Variants in TCOF1 observed in about 807,000 individuals in gnomAD.
TCOF1 encodes treacle protein.
TCOF1 carries 33 observed loss-of-function variants against 149.0 expected under a neutral mutation model. The ratio of observed to expected loss-of-function variants is 0.22; its 90% CI spans 0.17 to 0.30. The LOEUF (loss-of-function observed/expected upper bound fraction) is 0.30, where lower values mean the gene tolerates loss of function less well. TCOF1 is among the 10% of genes least tolerant of loss of function. The pLI, the probability that TCOF1 is intolerant of heterozygous loss-of-function variation, is 1.00. For synonymous variants in TCOF1, 789 were observed against 738.8 expected (o/e 1.07, Z -1.10); for missense variants, 1,728 against 1,840.7 (o/e 0.94, Z 1.12).
chr5:150,393,355 A>T lies in TCOF1; in HGVS notation c.3604-17A>T, dbSNP rs1346285483. ...GGGTGGGGTGGTGGCAGCCTCTTTC[A>T]CAATGGGCTTCTTCAGTCTCTCCTC... On this transcript the variant is annotated splice_polypyrimidine_tract_variant and intron_variant, in intron 22 of 26. Transcript: ENST00000643257. 3.1e-6 allele frequency: 5 copies of T among 1,613,630 alleles called. No individual in the cohort carries two copies. Among genetic ancestry groups the T allele is most frequent in the Non-Finnish European group, 4.2e-6 (5 of 1,179,898 alleles).
At chr5:150,395,565 C>T (rs978227572) in intron 23 of TCOF1, among the ~76,000 whole-genome samples, 8 of 151,186 alleles carry the variant, frequency 5.3e-5, no homozygotes, top group Non-Finnish European at 1.2e-4. Context: ...GTGTAGTCAG[C>T]ACACAATTAT....
At chr5:150,367,406 G>A (rs1340546003) in intron 3 of TCOF1, among the ~76,000 whole-genome samples, 1 of 152,208 alleles carries the variant, frequency 6.6e-6, no homozygotes, top group Non-Finnish European at 1.5e-5. Flanking sequence ...TTGAATTCCA[G>A]GCAACTTTCT....
intron 14 of TCOF1, 110 bp from the exon 15 acceptor site, chr5:150,378,795 T>G: frequency 1.3e-6 from 2 of 1,514,142 alleles, no homozygotes; most frequent in Non-Finnish European, 1.8e-6. Context: ...GCCTATTGCA[T>G]GGAGGAGCCA....
chr5:150,378,923 A>G lies in TCOF1; in HGVS notation c.2359A>G (p.Lys787Glu). The G allele has an allele frequency of 6.2e-7, 1 of 1,614,126 alleles. No homozygotes were observed. The highest frequency in any genetic ancestry group is 2.2e-5 in the East Asian group (1 of 44,880). Reference sequence around the variant, plus strand: ...CACTCAGGTGAAAACCTCAGTAAAGAAAACCCAGGCCAAAGCCAACCCAGC... The same window carrying G: ...CACTCAGGTGAAAACCTCAGTAAAGGAAACCCAGGCCAAAGCCAACCCAGC... ...SPAQVKTSVK[K>E]TQAKANPAAA... The change falls in exon 15 of 27, where the codon AAA (lysine) becomes GAA (glutamate). Residue 787 changes from lysine to glutamate, a missense_variant. Lys to Glu is a moderately conservative substitution (Grantham distance 56). This residue lies in a region of TCOF1 where 1,696 missense variants were observed against 1,765.4 expected (regional missense o/e 0.96). Transcript: ENST00000643257.
chr5:150,392,091 T>C lies in TCOF1; in HGVS notation c.3432T>C (p.Asp1144=), dbSNP rs375082101. ...QQATKAPESS[D]DSEDSSDSSS... ...CCACCAAAGCCCCTGAGAGCTCAGA[T>C]GACAGTGAGGACAGCAGCGACAGTT... The change falls in exon 21 of 27, where the codon GAT becomes GAC. Residue 1144 remains aspartate (D), a synonymous_variant. Coordinates refer to ENST00000643257, the MANE Select transcript of TCOF1 (RefSeq NM_001371623.1). The C allele has an allele frequency of 5.0e-6, 8 of 1,614,192 alleles. No homozygotes were observed. The highest frequency in any genetic ancestry group is 6.8e-6 in the Non-Finnish European group (8 of 1,180,036).
In TCOF1 at chr5:150,375,814, A is replaced by G. The variant is rs967860248; in HGVS notation, c.1798A>G (p.Lys600Glu). The G allele has an allele frequency of 6.2e-7, 1 of 1,614,042 alleles. No individual in the cohort carries two copies. Among genetic ancestry groups the G allele is most frequent in the African/African-American group, 1.3e-5 (1 of 74,934 alleles). Residue 600 changes from lysine (K) to glutamate (E), a missense_variant, in exon 12 of 27, where the codon AAG (lysine) becomes GAG (glutamate). This residue lies in a region of TCOF1 where 1,696 missense variants were observed against 1,765.4 expected (regional missense o/e 0.96). Coordinates refer to ENST00000643257, the MANE Select transcript of TCOF1 (RefSeq NM_001371623.1). ...QKAGPVAVQV[K>E]AEKPMDNSES... ...GGCAGGGCCTGTAGCCGTCCAGGTCAAGGCTGAAAAGCCCATGGACAACTC... is the reference window on the plus strand; with the variant it reads ...GGCAGGGCCTGTAGCCGTCCAGGTCGAGGCTGAAAAGCCCATGGACAACTC...
chr5:150,373,983 AGT>A lies in TCOF1; in HGVS notation c.871-185_871-184del, dbSNP rs1763122963. Among the ~76,000 whole-genome samples, 4 of 152,078 alleles carry A rather than the reference AGT, an allele frequency of 2.6e-5. No individual in the cohort carries two copies. In the South Asian group the frequency reaches 8.3e-4, roughly 31 times the overall value. On this transcript the variant is annotated intron_variant, in intron 7 of 26. Transcript: ENST00000643257. ...GGGGCATGGAGGCTCCAGGAGTGAG[AGT>A]GTGTGAAGCTGATCGATTTTTGAGA...
rs753485028 is a variant in TCOF1 at position 150,375,326 on chromosome 5, T to A, written c.1489-13T>A. The A allele has an allele frequency of 1.9e-6, 3 of 1,610,362 alleles. No individual in the cohort carries two copies. The highest frequency in any genetic ancestry group is 2.2e-5 in the South Asian group (2 of 90,934). On this transcript the variant is annotated splice_polypyrimidine_tract_variant and intron_variant, in intron 10 of 26. Coordinates refer to ENST00000643257, the MANE Select transcript of TCOF1 (RefSeq NM_001371623.1). ...TGGACTCCCTCCCTAATCTTGTCCT[T>A]TGTGTCTCCCAGGTGAAGCCCTTGG...
In TCOF1 at chr5:150,375,861, G is replaced by A. The variant is rs200075508; in HGVS notation, c.1845G>A (p.Ser615=). 1.3e-4 allele frequency: 210 copies of A among 1,613,708 alleles called. No homozygotes were observed. The highest frequency in any genetic ancestry group is 1.6e-4 in the Middle Eastern group (1 of 6,062). ...MDNSESSEES[S]DSADSEEAPA... is the part of the protein sequence containing the mutation. ...ACTCGGAGAGCAGCGAGGAGTCATC[G>A]GACAGTGCGGACAGTGAGGAGGCAC... Residue 615 remains serine, a synonymous_variant, in exon 12 of 27, where the codon TCG becomes TCA. Transcript: ENST00000643257.
intron 17 of TCOF1, among the ~76,000 whole-genome samples, chr5:150,385,718 C>T (rs954080977): frequency 6.6e-6 from 1 of 152,110 alleles, no homozygotes; most frequent in East Asian, 1.9e-4. Context: ...GAGCACTGTC[C>T]AGAAAGCCCC....
chr5:150,367,581 G>A (rs966012715), intron 3 of TCOF1: 18 of 480,024 alleles, frequency 3.7e-5, no homozygotes, highest in Non-Finnish European at 6.2e-5. Context: ...GGGCCTCCAC[G>A]TCTCATGCTG....
rs1455417030 is a variant in TCOF1 at position 150,398,291 on chromosome 5, A to G, written c.4346-63A>G. 9.3e-6 allele frequency: 15 copies of G among 1,608,876 alleles called. No individual in the cohort carries two copies. In the East Asian group the frequency reaches 2.9e-4, roughly 31 times the overall value. Reference sequence around the variant, plus strand: ...GGAGCCCTGCCCTGTGCACCTCCCAACATTGACCCCAGCACTTAGGATTAC... The same window carrying G: ...GGAGCCCTGCCCTGTGCACCTCCCAGCATTGACCCCAGCACTTAGGATTAC... On this transcript the variant is annotated intron_variant, in intron 24 of 26. Transcript: ENST00000643257.
At chr5:150,376,701 G>C in intron 14 of TCOF1, 81 bp downstream of exon 14, 1 of 1,444,492 alleles carries the variant, frequency 6.9e-7, no homozygotes, top group Non-Finnish European at 9.5e-7. Flanking sequence ...CTGGGGGCTA[G>C]TGTTGCCTGC....
At position 150,396,751 on chromosome 5, in the gene TCOF1, A is replaced by G. The variant is rs1768612509; in HGVS notation, c.4254A>G (p.Pro1418=). The G allele has an allele frequency of 4.3e-6, 7 of 1,612,530 alleles. No individual in the cohort carries two copies. In the Middle Eastern group the frequency reaches 6.6e-4, roughly 152 times the overall value. Residue 1418 remains proline (P), a synonymous_variant, in exon 24 of 27, where the codon CCA becomes CCG. Coordinates refer to ENST00000643257, the MANE Select transcript of TCOF1 (RefSeq NM_001371623.1). The part of the protein sequence containing the change: ...SLGSQGAKDE[P]EEELQKGMGT... Reference sequence around the variant, plus strand: ...GCTCCCAAGGGGCCAAGGACGAGCCAGAAGAGGAGCTTCAGAAGGGGATGG... The same window carrying G: ...GCTCCCAAGGGGCCAAGGACGAGCCGGAAGAGGAGCTTCAGAAGGGGATGG...
At chr5:150,384,736 A>G (rs1765934538) in intron 17 of TCOF1, 1 of 985,388 alleles carries the variant, frequency 1.0e-6, no homozygotes, top group Non-Finnish European at 1.2e-6. Context: ...GGATTCGGGG[A>G]AGACGGGCAT....
At position 150,375,921 on chromosome 5, in the gene TCOF1, G is replaced by A. The variant is rs746650110; in HGVS notation, c.1893+12G>A. 4.3e-6 allele frequency: 7 copies of A among 1,614,052 alleles called. No individual in the cohort carries two copies. The highest frequency in any genetic ancestry group is 2.7e-5 in the African/African-American group (2 of 74,960). On this transcript the variant is annotated intron_variant, in intron 12 of 26. Coordinates refer to ENST00000643257, the MANE Select transcript of TCOF1 (RefSeq NM_001371623.1). The stretch of plus-strand genomic sequence containing the variant: ...TGACTGCAGCTCAGGTGAGGCCTGG[G>A]GAAGGAGGCTGCTACATGGCCTGAT...
Position 150,384,384 on chromosome 5 carries a change from G to C in TCOF1, c.2860-3518G>C, listed in dbSNP as rs1250860314. ...CAGAGAAGTTGAGGGACCTGTCCCA[G>C]CATCACATGGCTGATGACAAGTGGA... On this transcript the variant is annotated intron_variant, in intron 17 of 26. Transcript: ENST00000643257. 6 of 985,172 alleles carry C rather than the reference G, an allele frequency of 6.1e-6. No homozygotes were observed. The South Asian group carries it at 1.9e-4, about 31-fold the overall frequency. The allele number at this position is 985,172 out of a possible 1,614,324, so 61.0% of individuals were successfully genotyped here.
chr5:150,384,292 C>A (rs1330977893), intron 17 of TCOF1: 1 of 989,320 alleles, frequency 1.0e-6, no homozygotes, highest in African/African-American at 1.7e-5. Flanking sequence ...TCTGTTTAAT[C>A]TCCACAACAG....
chr5:150,380,286 C>G, intron 17 of TCOF1: 1 of 170,652 alleles, frequency 5.9e-6, no homozygotes, highest in Non-Finnish European at 1.3e-5. Context: ...ATATCTAGGT[C>G]GAGGTCTCCA....
Sources: gnomAD v4.1 joint callset for allele counts (sites outside exome capture counted in the v4.1 genomes callset) on GRCh38, gnomAD v4.1.1 for gene constraint, gnomAD v4.1.1 regional missense constraint, MANE v1.5 for transcripts, NCBI Gene and HGNC (gene_info 2026-07-23, HGNC 2026-07-21) for gene names.